The following GTF2H3 variants were observed in gnomAD, a reference collection of about 807,000 sequenced individuals.
The protein encoded by GTF2H3 is TFIIH basal transcription factor complex p34 subunit.
In GTF2H3, 42 loss-of-function variants were observed where a neutral mutation model predicts 51.1. That is an observed-to-expected ratio of 0.82 (90% CI 0.64 to 1.06). The LOEUF (loss-of-function observed/expected upper bound fraction) is 1.06, where lower values mean the gene tolerates loss of function less well. Ranked by LOEUF, GTF2H3 falls within the 50% of genes least tolerant of loss-of-function variation. The probability of loss-of-function intolerance (pLI) is 0.00; values close to 1 mark genes in which losing one functional copy is unlikely to be tolerated. For missense variants in GTF2H3, 326 were observed against 366.1 expected (o/e 0.89, Z 0.89); for synonymous variants, 123 against 123.8 (o/e 0.99, Z 0.04).
At position 123,659,810 on chromosome 12, in the gene GTF2H3, G is replaced by A. The variant is rs766161754; in HGVS notation, c.700G>A (p.Asp234Asn). The change falls in exon 11 of 13, where the codon GAT becomes AAT. Residue 234 changes from aspartate to asparagine, a missense_variant. Physicochemically the swap from Asp to Asn is conservative, Grantham distance 23. Coordinates refer to ENST00000543341, the MANE Select transcript of GTF2H3 (RefSeq NM_001516.5). Reference sequence around the variant, plus strand: ...TGTTTTACAGTGGGTGTTTCTTCCCGATCAAGATCAGAGATCTCAGTTAAT... The same window carrying A: ...TGTTTTACAGTGGGTGTTTCTTCCCAATCAAGATCAGAGATCTCAGTTAAT... ...LQYLLWVFLP[D>N]QDQRSQLILP... 7.4e-6 allele frequency: 12 copies of A among 1,611,930 alleles called. No individual in the cohort carries two copies. The highest frequency in any genetic ancestry group is 1.7e-5 in the Admixed American group (1 of 59,628).
intron 2 of GTF2H3, among the ~76,000 whole-genome samples, chr12:123,644,608 G>A (rs1340356627): frequency 6.6e-6 from 1 of 151,870 alleles, no homozygotes; most frequent in African/African-American, 2.4e-5. Flanking sequence ...GGAGGTTGCA[G>A]TGAGCCGAGA....
chr12:123,639,332 A>G lies in GTF2H3; in HGVS notation c.82A>G (p.Lys28Glu). 6.4e-7 allele frequency: 1 copy of G among 1,564,392 alleles called. No homozygotes were observed. Among genetic ancestry groups the G allele is most frequent in the Non-Finnish European group, 8.8e-7 (1 of 1,134,754 alleles). Residue 28 changes from lysine to glutamate, a missense_variant, in exon 2 of 13, where the codon AAG becomes GAG. Coordinates refer to ENST00000543341, the MANE Select transcript of GTF2H3 (RefSeq NM_001516.5). ...NPIWWGKQAL[K>E]ESQFTLSKCI... ...AATTTGGTGGGGAAAGCAAGCATTA[A>G]AGGAATCTCAGGTAAGACTGCTTGA...
intron 9 of GTF2H3, among the ~76,000 whole-genome samples, chr12:123,658,276 T>C (rs1244927563): frequency 1.3e-5 from 2 of 152,208 alleles, no homozygotes; most frequent in African/African-American, 2.4e-5. Context: ...TGGAGTGCAA[T>C]GGTACGATCT....
At chr12:123,635,712 C>T (rs1270671624) in intron 1 of GTF2H3, among the ~76,000 whole-genome samples, 1 of 152,130 alleles carries the variant, frequency 6.6e-6, no homozygotes, top group Admixed American at 6.6e-5. Flanking sequence ...TACACCAGTT[C>T]TGATTTACAC....
At chr12:123,635,435 AG>A (rs1955266252) in intron 1 of GTF2H3, among the ~76,000 whole-genome samples, 1 of 151,996 alleles carries the variant, frequency 6.6e-6, no homozygotes, top group South Asian at 2.1e-4. Flanking sequence ...TAACCGGACA[AG>A]GTGGCGCACA....
At chr12:123,657,078 T>C (rs956554279) in intron 9 of GTF2H3, among the ~76,000 whole-genome samples, 5 of 150,928 alleles carry the variant, frequency 3.3e-5, no homozygotes, top group African/African-American at 1.2e-4. Flanking sequence ...GTCTCCCTCT[T>C]AAGAAAAAAA....
intron 2 of GTF2H3, among the ~76,000 whole-genome samples, chr12:123,641,501 C>T (rs948367766): frequency 6.6e-6 from 1 of 150,742 alleles, no homozygotes; most frequent in Non-Finnish European, 1.5e-5. Flanking sequence ...GCTGGGGTTA[C>T]AGGCATGAGC....
Position 123,645,435 on chromosome 12 carries a change from T to C in GTF2H3, c.94-20T>C. 7.6e-7 allele frequency: 1 copy of C among 1,311,014 alleles called. No individual in the cohort carries two copies. The highest frequency in any genetic ancestry group is 1.1e-6 in the Non-Finnish European group (1 of 905,252). 81.2% of individuals were successfully genotyped at this position (1,311,014 alleles called of 1,614,324 possible). Reference sequence around the variant, plus strand: ...TTGGATAGCTAATTTGTTTTTCTAATGTCTTTTTTTTTCCAACAGTTCACT... The same window carrying C: ...TTGGATAGCTAATTTGTTTTTCTAACGTCTTTTTTTTTCCAACAGTTCACT... On this transcript the variant is annotated intron_variant, in intron 2 of 12. Coordinates refer to ENST00000543341, the MANE Select transcript of GTF2H3 (RefSeq NM_001516.5).
chr12:123,639,229 A>G (rs1232770679), intron 1 of GTF2H3, 35 bp from the exon 2 acceptor site: 2 of 992,878 alleles, frequency 2.0e-6, no homozygotes, highest in Non-Finnish European at 3.2e-6. Context: ...TATGGAGCTA[A>G]TGTTTTAAAT....
At chr12:123,655,405 A>C (rs920917315) in intron 8 of GTF2H3, 1 of 306,964 alleles carries the variant, frequency 3.3e-6, no homozygotes, top group Non-Finnish European at 6.0e-6. Context: ...AGTATAATAC[A>C]TTTTCTTCTT....
At chr12:123,656,648 C>T (rs1955591211) in intron 9 of GTF2H3, among the ~76,000 whole-genome samples, 1 of 152,202 alleles carries the variant, frequency 6.6e-6, no homozygotes, top group South Asian at 2.1e-4. Flanking sequence ...TTTGTCCTCT[C>T]AGCCTCTTCC....
rs377651178 is a variant in GTF2H3 at position 123,638,460 on chromosome 12, C to T, written c.14-804C>T. On this transcript the variant is annotated intron_variant, in intron 1 of 12. Transcript: ENST00000543341. ...TGCTGGGATCACAGGCATGAGCCACCGCGCCCGGCCCTAATTTTTATATTT... is the reference window on the plus strand; with the variant it reads ...TGCTGGGATCACAGGCATGAGCCACTGCGCCCGGCCCTAATTTTTATATTT... 3.9e-5 allele frequency among the ~76,000 whole-genome samples: 6 copies of T among 152,156 alleles called. No individual in the cohort carries two copies. The East Asian group carries it at 9.7e-4, about 24-fold the overall frequency.
chr12:123,658,964 C>A (rs1241097523), intron 9 of GTF2H3, among the ~76,000 whole-genome samples: 1 of 152,192 alleles, frequency 6.6e-6, no homozygotes, highest in Non-Finnish European at 1.5e-5. Context: ...TGCTTAATAT[C>A]ATTACCGACC....
chr12:123,639,757 G>A (rs906144225), intron 2 of GTF2H3, among the ~76,000 whole-genome samples: 2 of 152,032 alleles, frequency 1.3e-5, no homozygotes, highest in African/African-American at 2.4e-5. Context: ...ATACAGAGAG[G>A]TCCTGTGTAC....
Position 123,655,810 on chromosome 12 carries a change from G to A in GTF2H3, c.601G>A (p.Gly201Arg). Residue 201 changes from glycine to arginine, a missense_variant, in exon 9 of 13, where the codon GGG (glycine) becomes AGG (arginine). By Grantham distance (125) the Gly-to-Arg change is moderately radical. Coordinates refer to ENST00000543341, the MANE Select transcript of GTF2H3 (RefSeq NM_001516.5). ...TGCCTGTGTTTTAGACTCCGACTCAGGGCTCCTCCAACAGGTATGTTTTAA... is the reference window on the plus strand; with the variant it reads ...TGCCTGTGTTTTAGACTCCGACTCAAGGCTCCTCCAACAGGTATGTTTTAA... The part of the protein sequence containing the change: ...IDACVLDSDS[G>R]LLQQACDITG... The A allele has an allele frequency of 2.5e-6, 4 of 1,600,632 alleles. No individual in the cohort carries two copies. The highest frequency in any genetic ancestry group is 1.1e-5 in the South Asian group (1 of 90,642).
intron 1 of GTF2H3, among the ~76,000 whole-genome samples, chr12:123,638,284 G>A (rs1026269932): frequency 2.6e-5 from 4 of 151,846 alleles, no homozygotes; most frequent in Non-Finnish European, 5.9e-5. Context: ...TCAGTCTCCC[G>A]AGTAGCTGGG....
intron 9 of GTF2H3, among the ~76,000 whole-genome samples, chr12:123,659,115 A>G (rs1443984724): frequency 1.3e-5 from 2 of 152,252 alleles, no homozygotes; most frequent in Non-Finnish European, 2.9e-5. Context: ...GAAATGTAAA[A>G]TGGTATAGCC....
In GTF2H3 at chr12:123,633,878, G is replaced by C. The variant is rs1348206844; in HGVS notation, c.13+6G>C. 20 of 1,613,318 alleles carry C rather than the reference G, an allele frequency of 1.2e-5. No homozygotes were observed. Among genetic ancestry groups the C allele is most frequent in the Non-Finnish European group, 1.5e-5 (18 of 1,179,992 alleles). On this transcript the variant is annotated splice_donor_region_variant and intron_variant, in intron 1 of 12. Coordinates refer to ENST00000543341, the MANE Select transcript of GTF2H3 (RefSeq NM_001516.5). ...GACAGCCATGGTTTCAGACGGTGAG[G>C]ACCCTGCAGGGCGGGACTTCGACTC...
rs1955628402 is a variant in GTF2H3, at chr12:123,659,566, T to C, written c.666T>C (p.Ser222=). 3 of 1,613,888 alleles carry C rather than the reference T, an allele frequency of 1.9e-6. No individual in the cohort carries two copies. The Admixed American group carries it at 5.0e-5, about 27-fold the overall frequency. ...ACCTGAAGGTGCCTCAGATGCCTTC[T>C]CTTCTGCAGTATTTGCTGGTAAGGA... The part of the protein sequence containing the change: ...GLYLKVPQMP[S]LLQYLLWVFL... Residue 222 remains serine (S), a synonymous_variant, in exon 10 of 13, where the codon TCT becomes TCC. Transcript: ENST00000543341.
Sources: allele counts gnomAD v4.1 joint callset (sites outside exome capture counted in the v4.1 genomes callset), GRCh38; gene constraint gnomAD v4.1.1; transcripts MANE v1.5; gene names NCBI Gene and HGNC (gene_info 2026-07-23, HGNC 2026-07-21).